CNTROB: variants seen among roughly 807,000 people sequenced by gnomAD.
CNTROB encodes the protein centrobin, centriole duplication and spindle assembly protein, also known as centrobin.
CNTROB carries 82 observed loss-of-function variants against 115.7 expected under a neutral mutation model. The ratio of observed to expected loss-of-function variants is 0.71; its 90% CI spans 0.59 to 0.85. The LOEUF is 0.85. CNTROB is among the 40% of genes least tolerant of loss of function. CNTROB has a pLI of 0.00. For synonymous variants in CNTROB, 439 were observed against 456.4 expected (o/e 0.96, Z 0.49); for missense variants, 1,014 against 1,144.4 (o/e 0.89, Z 1.64).
chr17:7,934,808 C>A (rs1469772908), intron 3 of CNTROB, 181 bp from the exon 4 acceptor site: 8 of 774,334 alleles, frequency 1.0e-5, no homozygotes, highest in Non-Finnish European at 1.6e-5. Context: ...TCTGCTGAAA[C>A]CTTTAAGTGA....
Position 7,933,192 on chromosome 17 carries a change from T to A in CNTROB, c.113T>A (p.Leu38His). 6.2e-7 allele frequency: 1 copy of A among 1,614,208 alleles called. No homozygotes were observed. Residue 38 changes from leucine (L) to histidine (H), a missense_variant, in exon 1 of 19, where the codon CTC becomes CAC. Physicochemically the swap from Leu to His is moderately conservative, Grantham distance 99 (BLOSUM62 -3). Transcript: ENST00000563694. Reference sequence around the variant, plus strand: ...GTGTCGTCTGAAGTGACCTCCCAGCTCTATGCTTCTTTGCGCCTCAGCCGG... The same window carrying A: ...GTGTCGTCTGAAGTGACCTCCCAGCACTATGCTTCTTTGCGCCTCAGCCGG... ...NQVSSEVTSQ[L>H]YASLRLSRQA...
intron 9 of CNTROB, among the ~76,000 whole-genome samples, chr17:7,942,546 G>A (rs1486628302): frequency 1.4e-5 from 2 of 142,228 alleles, no homozygotes; most frequent in South Asian, 2.2e-4. Flanking sequence ...GCAGTGAGCC[G>A]AGATCGCGCC....
At chr17:7,942,927 A>G (rs1011580813) in intron 9 of CNTROB, among the ~76,000 whole-genome samples, 1 of 146,072 alleles carries the variant, frequency 6.8e-6, no homozygotes, top group African/African-American at 2.5e-5. Context: ...TCAGCCTCCC[A>G]AGTAGCTGGG....
chr17:7,945,620 G>A (rs1974439312), intron 12 of CNTROB, 108 bp from the exon 13 acceptor site: 1 of 1,189,930 alleles, frequency 8.4e-7, no homozygotes, highest in Non-Finnish European at 1.2e-6. Flanking sequence ...TTACAGGTGT[G>A]AGCCACTGCA....
rs1723640036 is a variant in CNTROB at position 7,943,824 on chromosome 17, C to G, written c.1446-299C>G. Reference sequence around the variant, plus strand: ...GGACAGTGCTGAGGTATGACCTGTGCTGTCTCCAGAGCTGCTCTGTCGGAC... The same window carrying G: ...GGACAGTGCTGAGGTATGACCTGTGGTGTCTCCAGAGCTGCTCTGTCGGAC... On this transcript the variant is annotated intron_variant, in intron 10 of 18. Transcript: ENST00000563694. This position sits in a 1 kb window ranked among gnomAD's most constrained non-coding sequence, Gnocchi z 4.7. Among the ~76,000 whole-genome samples, 1 of 152,228 alleles carries G rather than the reference C, an allele frequency of 6.6e-6. No individual in the cohort carries two copies. The highest frequency in any genetic ancestry group is 1.5e-5 in the Non-Finnish European group (1 of 68,038).
intron 14 of CNTROB, 71 bp from the exon 15 acceptor site, chr17:7,947,842 GCTT>G: frequency 6.2e-7 from 1 of 1,609,786 alleles, no homozygotes; most frequent in Non-Finnish European, 8.5e-7. Flanking sequence ...CTTTGTCCCA[GCTT>G]CTTCTCTCAG....
Position 7,948,449 on chromosome 17 carries a change from C to T in CNTROB, c.2381-38C>T. 1.9e-6 allele frequency: 3 copies of T among 1,611,902 alleles called. No individual in the cohort carries two copies. Among genetic ancestry groups the T allele is most frequent in the Non-Finnish European group, 2.5e-6 (3 of 1,178,116 alleles). On this transcript the variant is annotated intron_variant, in intron 16 of 18. Transcript: ENST00000563694. This position sits in a 1 kb window ranked among gnomAD's most constrained non-coding sequence, Gnocchi z 4.4. ...TGGGCTGAGGGCTGGGGAGACAGGC[C>T]CTAGGATGACGCCTGTGATTATTGC...
intron 7 of CNTROB, among the ~76,000 whole-genome samples, chr17:7,938,197 G>A (rs2151747866): frequency 6.6e-6 from 1 of 152,142 alleles, no homozygotes; most frequent in South Asian, 2.1e-4. Flanking sequence ...TAGAGACGGG[G>A]TTTCGCCATG....
In CNTROB at chr17:7,933,187, C is replaced by T; in HGVS notation, c.108C>T (p.Ser36=). ...ACCAAGTGTCGTCTGAAGTGACCTC[C>T]CAGCTCTATGCTTCTTTGCGCCTCA... ...GLNQVSSEVT[S]QLYASLRLSR... is the part of the protein sequence containing the mutation. The change falls in exon 1 of 19, where the codon TCC becomes TCT. Residue 36 remains serine, a synonymous_variant. Transcript: ENST00000563694. 3 of 1,614,256 alleles carry T rather than the reference C, an allele frequency of 1.9e-6. No homozygotes were observed. Among genetic ancestry groups the T allele is most frequent in the South Asian group, 1.1e-5 (1 of 91,090 alleles).
intron 4 of CNTROB, chr17:7,936,106 T>A (rs1055341427): frequency 1.1e-5 from 5 of 441,710 alleles, no homozygotes; most frequent in Non-Finnish European, 1.2e-5. Flanking sequence ...TATGGGATTT[T>A]TACTCAGGAG....
At position 7,944,171 on chromosome 17, in the gene CNTROB, T is replaced by C. The variant is rs1974239039; in HGVS notation, c.1494T>C (p.Ser498=). 6.2e-7 allele frequency: 1 copy of C among 1,609,260 alleles called. No individual in the cohort carries two copies. The highest frequency in any genetic ancestry group is 8.5e-7 in the Non-Finnish European group (1 of 1,175,498). ...LSGQHQQELA[S]QLAQFKVEMA... ...GACAGCACCAGCAGGAGCTGGCCAG[T>C]CAGCTAGCTCAGTTCAAGGTGGAAA... The change falls in exon 11 of 19, where the codon AGT becomes AGC. Residue 498 remains serine, a synonymous_variant. Coordinates refer to ENST00000563694, the MANE Select transcript of CNTROB (RefSeq NM_053051.5). This position sits in a 1 kb window ranked among gnomAD's most constrained non-coding sequence, Gnocchi z 4.0.
rs1400867000 is a variant in CNTROB, at chr17:7,949,645, C to G, written c.*135C>G. 4.7e-6 allele frequency: 4 copies of G among 852,426 alleles called. No homozygotes were observed. The highest frequency in any genetic ancestry group is 6.7e-6 in the Non-Finnish European group (4 of 594,910). 52.8% of individuals were successfully genotyped at this position (852,426 alleles called of 1,614,324 possible). A position where few individuals can be genotyped will look rare whatever the true frequency, so the allele number is the denominator to read the frequency against. On this transcript the variant is annotated 3_prime_UTR_variant, in exon 19 of 19. Coordinates refer to ENST00000563694, the MANE Select transcript of CNTROB (RefSeq NM_053051.5). ...TGTAGGGAATCACTTCGTAAAGAAA[C>G]CACATTTGGTTGAGTACTTTTTTTA...
chr17:7,939,425 C>A lies in CNTROB; in HGVS notation c.928-88C>A. 9.1e-7 allele frequency: 1 copy of A among 1,093,608 alleles called. No homozygotes were observed. Among genetic ancestry groups the A allele is most frequent in the South Asian group, 1.4e-5 (1 of 71,742 alleles). The allele number at this position is 1,093,608 out of a possible 1,614,324, so 67.7% of individuals were successfully genotyped here. ...TTGTGTTTTTAATGAGCATAATTCTCAGCAGGCACCTTGTATGAGGGTCAG... is the reference window on the plus strand; with the variant it reads ...TTGTGTTTTTAATGAGCATAATTCTAAGCAGGCACCTTGTATGAGGGTCAG... On this transcript the variant is annotated intron_variant, in intron 7 of 18. Coordinates refer to ENST00000563694, the MANE Select transcript of CNTROB (RefSeq NM_053051.5). The surrounding 1 kb of genome is among the most constrained non-coding windows in gnomAD (Gnocchi z 4.4).
intron 6 of CNTROB, 83 bp downstream of exon 6, chr17:7,936,900 G>A: frequency 1.2e-6 from 1 of 800,642 alleles, no homozygotes; most frequent in Non-Finnish European, 2.2e-6. Context: ...CTGGAATTAG[G>A]GTTTCCAACA....
Position 7,939,493 on chromosome 17 carries a change from G to A in CNTROB, c.928-20G>A. 1 of 1,610,780 alleles carries A rather than the reference G, an allele frequency of 6.2e-7. No individual in the cohort carries two copies. The highest frequency in any genetic ancestry group is 8.5e-7 in the Non-Finnish European group (1 of 1,177,204). On this transcript the variant is annotated intron_variant, in intron 7 of 18. Coordinates refer to ENST00000563694, the MANE Select transcript of CNTROB (RefSeq NM_053051.5). The surrounding 1 kb of genome is among the most constrained non-coding windows in gnomAD (Gnocchi z 4.4). The stretch of plus-strand genomic sequence containing the variant: ...TCTGAAGAGCCTACTAAGGAGCTTG[G>A]TTTTCTTCTGCGGCTGTAGGAGGAG...
intron 13 of CNTROB, 37 bp downstream of exon 13, chr17:7,946,023 G>T: frequency 6.3e-7 from 1 of 1,595,146 alleles, no homozygotes; most frequent in Non-Finnish European, 8.6e-7. Context: ...TTCCCCTTCT[G>T]TGCATGAATT....
rs535641308 is a variant in CNTROB, at chr17:7,939,922, T to A, written c.1164+173T>A. The stretch of plus-strand genomic sequence containing the variant: ...TAGGGCCAGCAGGAAGGGCTGGGGG[T>A]AATGAATACGTGAAAGGCCAAAGAC... On this transcript the variant is annotated intron_variant, in intron 8 of 18. Coordinates refer to ENST00000563694, the MANE Select transcript of CNTROB (RefSeq NM_053051.5). This position sits in a 1 kb window ranked among gnomAD's most constrained non-coding sequence, Gnocchi z 4.4. 1.5e-3 allele frequency among the ~76,000 whole-genome samples: 229 copies of A among 152,008 alleles called. 1 individual carries two copies. Among genetic ancestry groups the A allele is most frequent in the Non-Finnish European group, 2.3e-3 (159 of 67,978 alleles).
In CNTROB at chr17:7,935,097, T is replaced by G. The variant is rs777102829; in HGVS notation, c.546T>G (p.Asp182Glu). Residue 182 changes from aspartate to glutamate, a missense_variant, in exon 4 of 19, where the codon GAT becomes GAG. Coordinates refer to ENST00000563694, the MANE Select transcript of CNTROB (RefSeq NM_053051.5). ...CAGGGCCTCCACTCAATCCCCCAGA[T>G]TTTCAGGGGCTGAGAGATGCATTGG... ...LRPGPPLNPP[D>E]FQGLRDALDS... is the part of the protein sequence containing the mutation. 1.9e-6 allele frequency: 3 copies of G among 1,614,160 alleles called. No homozygotes were observed. The South Asian group carries it at 3.3e-5, about 18-fold the overall frequency.
chr17:7,948,410 A>G lies in CNTROB; in HGVS notation c.2381-77A>G. ...AGTACAGGCACTTACAGTCCTTCTGAATTCCTGGGGAAATGGGCTGAGGGC... is the reference window on the plus strand; with the variant it reads ...AGTACAGGCACTTACAGTCCTTCTGGATTCCTGGGGAAATGGGCTGAGGGC... On this transcript the variant is annotated intron_variant, in intron 16 of 18. Transcript: ENST00000563694. The surrounding 1 kb of genome is among the most constrained non-coding windows in gnomAD (Gnocchi z 4.4). 6.2e-7 allele frequency: 1 copy of G among 1,609,248 alleles called. No homozygotes were observed. The highest frequency in any genetic ancestry group is 1.7e-5 in the Admixed American group (1 of 59,950).
Sources: gnomAD v4.1 joint callset for allele counts (sites outside exome capture counted in the v4.1 genomes callset) on GRCh38, gnomAD v4.1.1 for gene constraint, Gnocchi (gnomAD v3.1) non-coding constraint, MANE v1.5 for transcripts, NCBI Gene and HGNC (gene_info 2026-07-23, HGNC 2026-07-21) for gene names.